COL25A1: variants seen among roughly 807,000 people sequenced by gnomAD.
The protein encoded by COL25A1 is collagen type XXV alpha 1 chain, also known as collagen alpha-1(XXV) chain.
Under a neutral mutation model 128.4 loss-of-function variants are expected in COL25A1, and 103 were observed. That is an observed-to-expected ratio of 0.80 (90% CI 0.68 to 0.94). The LOEUF (loss-of-function observed/expected upper bound fraction) is 0.94, where lower values mean the gene tolerates loss of function less well. Ranked by LOEUF, COL25A1 falls within the 40% of genes least tolerant of loss-of-function variation. The probability of loss-of-function intolerance (pLI) is 0.00; values close to 1 mark genes in which losing one functional copy is unlikely to be tolerated. For missense variants in COL25A1, 745 were observed against 840.0 expected (o/e 0.89, Z 1.40); for synonymous variants, 279 against 277.2 (o/e 1.01, Z -0.06).
At chr4:109,152,316 A>T (rs1235636136) in intron 3 of COL25A1, among the ~76,000 whole-genome samples, 1 of 152,232 alleles carries the variant, frequency 6.6e-6, no homozygotes, top group Non-Finnish European at 1.5e-5. Context: ...ATGGGTTTAC[A>T]TTACACAAAC....
chr4:108,898,941 A>G (rs1432415708), intron 15 of COL25A1, among the ~76,000 whole-genome samples: 3 of 151,988 alleles, frequency 2.0e-5, no homozygotes, highest in African/African-American at 7.2e-5. Context: ...TCCTCCTTCC[A>G]CTAATTAACA....
intron 19 of COL25A1, among the ~76,000 whole-genome samples, chr4:108,876,958 T>C (rs1739525794): frequency 6.6e-6 from 1 of 152,226 alleles, no homozygotes; most frequent in Non-Finnish European, 1.5e-5. Context: ...TTTCCCTTTG[T>C]TGACCTGGTA....
At chr4:109,057,642 A>C (rs2125957334) in intron 3 of COL25A1, among the ~76,000 whole-genome samples, 1 of 151,968 alleles carries the variant, frequency 6.6e-6, no homozygotes, top group Middle Eastern at 3.4e-3. Flanking sequence ...AGTAAATACA[A>C]ATTAATTACA....
rs1781358178 is a variant in COL25A1, at chr4:109,260,327, T to TA, written c.367+40255dup. Among the ~76,000 whole-genome samples the TA allele has an allele frequency of 2.0e-5, 3 of 152,250 alleles. No homozygotes were observed. The South Asian group carries it at 6.2e-4, about 32-fold the overall frequency. On this transcript the variant is annotated intron_variant, in intron 3 of 37. Coordinates refer to ENST00000399132, the MANE Select transcript of COL25A1 (RefSeq NM_198721.4). ...GGAAAACACTGGGTCAAATTTTTTT[T>TA]AAAAATTGGGTACAATGGGGAAGGA...
intron 36 of COL25A1, 37 bp downstream of exon 36, chr4:108,819,215 A>AC (rs745977960): frequency 1.6e-5 from 24 of 1,475,050 alleles, no homozygotes; most frequent in Non-Finnish European, 2.1e-5. Flanking sequence ...AAACAAAGGA[A>AC]CTGCATGCAG....
At chr4:108,846,243 C>A in intron 27 of COL25A1, 24 bp from the exon 28 acceptor site, 1 of 1,477,322 alleles carries the variant, frequency 6.8e-7, no homozygotes, top group Non-Finnish European at 9.5e-7. Flanking sequence ...ACAAGGTTGG[C>A]ATGTAAGCAG....
intron 3 of COL25A1, among the ~76,000 whole-genome samples, chr4:109,213,416 G>C (rs562816493): frequency 2.0e-5 from 3 of 152,306 alleles, no homozygotes; most frequent in South Asian, 4.1e-4. Context: ...TGCTGAACCA[G>C]TGTCTGGGCC....
intron 19 of COL25A1, among the ~76,000 whole-genome samples, chr4:108,875,129 A>G (rs1221865167): frequency 6.6e-6 from 1 of 152,238 alleles, no homozygotes; most frequent in Non-Finnish European, 1.5e-5. Context: ...TGCTGCTTGC[A>G]AAGTTAGTGC....
At chr4:109,227,669 G>A (rs568406700) in intron 3 of COL25A1, among the ~76,000 whole-genome samples, 5 of 152,036 alleles carry the variant, frequency 3.3e-5, no homozygotes, top group Admixed American at 6.5e-5. Flanking sequence ...TTCTGCAAGC[G>A]GACAATTTTA....
At chr4:109,129,596 T>C (rs905815814) in intron 3 of COL25A1, among the ~76,000 whole-genome samples, 4 of 152,190 alleles carry the variant, frequency 2.6e-5, no homozygotes, top group African/African-American at 9.7e-5. Context: ...ATGAATAACA[T>C]AGGCAAAATA....
chr4:108,907,300 C>T (rs539569058), intron 13 of COL25A1, among the ~76,000 whole-genome samples: 1 of 152,238 alleles, frequency 6.6e-6, no homozygotes, highest in Non-Finnish European at 1.5e-5. Context: ...CTAAAGGCTC[C>T]AACAATTCAT....
In COL25A1 at chr4:108,875,978, C is replaced by T. The variant is rs1010885519; in HGVS notation, c.1021-6828G>A. Reference sequence around the variant, plus strand: ...ATCATAAGGACAGAAAACCAAACACCGCACATTCTCACTCATAGGTGGGAA... The same window carrying T: ...ATCATAAGGACAGAAAACCAAACACTGCACATTCTCACTCATAGGTGGGAA... On this transcript the variant is annotated intron_variant, in intron 19 of 37. Coordinates refer to ENST00000399132, the MANE Select transcript of COL25A1 (RefSeq NM_198721.4). Among the ~76,000 whole-genome samples the T allele has an allele frequency of 1.1e-4, 16 of 152,022 alleles. 1 individual carries two copies. Among genetic ancestry groups the T allele is most frequent in the African/African-American group, 3.1e-4 (13 of 41,378 alleles).
intron 3 of COL25A1, among the ~76,000 whole-genome samples, chr4:109,123,795 G>A (rs1768335559): frequency 6.6e-6 from 1 of 151,992 alleles, no homozygotes; most frequent in Admixed American, 6.6e-5. Flanking sequence ...CATAGGCCTC[G>A]GTTCTACAGC....
At chr4:108,853,425 G>A (rs1444870102) in intron 24 of COL25A1, among the ~76,000 whole-genome samples, 1 of 151,622 alleles carries the variant, frequency 6.6e-6, no homozygotes, top group Non-Finnish European at 1.5e-5. Flanking sequence ...AAAGATATTA[G>A]TCGACATAGA....
intron 3 of COL25A1, among the ~76,000 whole-genome samples, chr4:109,272,108 T>A (rs1034437665): frequency 6.6e-6 from 1 of 152,032 alleles, no homozygotes; most frequent in South Asian, 2.1e-4. Context: ...TGGTGGTGTG[T>A]ACCTGTAGTT....
At chr4:109,021,217 G>T (rs1379540606) in intron 5 of COL25A1, among the ~76,000 whole-genome samples, 1 of 152,144 alleles carries the variant, frequency 6.6e-6, no homozygotes, top group Non-Finnish European at 1.5e-5. Flanking sequence ...GAAGAGGAAG[G>T]CAATTACTCT....
chr4:109,034,977 A>T (rs573392333), intron 5 of COL25A1, among the ~76,000 whole-genome samples: 2 of 152,220 alleles, frequency 1.3e-5, no homozygotes, highest in Non-Finnish European at 2.9e-5. Context: ...AACAACATTT[A>T]TCTAATTTTG....
At chr4:109,229,895 C>T (rs757116563) in intron 3 of COL25A1, among the ~76,000 whole-genome samples, 3 of 152,180 alleles carry the variant, frequency 2.0e-5, no homozygotes, top group Non-Finnish European at 4.4e-5. Flanking sequence ...CGTGGTTCTG[C>T]AGGCTGTACA....
At chr4:108,865,412 A>G (rs1230007270) in intron 20 of COL25A1, among the ~76,000 whole-genome samples, 4 of 152,144 alleles carry the variant, frequency 2.6e-5, no homozygotes, top group Non-Finnish European at 5.9e-5. Context: ...GGCAAGTGTT[A>G]AAGACTCAGG....
Sources: allele counts gnomAD v4.1 joint callset (sites outside exome capture counted in the v4.1 genomes callset), GRCh38; gene constraint gnomAD v4.1.1; transcripts MANE v1.5; gene names NCBI Gene and HGNC (gene_info 2026-07-23, HGNC 2026-07-21).